GRIK1: variants seen among roughly 807,000 people sequenced by gnomAD.
The protein encoded by GRIK1 is glutamate ionotropic receptor kainate type subunit 1, also known as glutamate receptor ionotropic, kainate 1.
Under a neutral mutation model 105.7 loss-of-function variants are expected in GRIK1, and 69 were observed. The ratio of observed to expected loss-of-function variants is 0.65; its 90% CI spans 0.54 to 0.80. GRIK1 has a LOEUF of 0.80. Among genes scored for constraint, GRIK1 ranks in the 30% least tolerant of loss-of-function variants. GRIK1 has a pLI of 0.00. For missense variants in GRIK1, 1,109 were observed against 1,167.3 expected (o/e 0.95, Z 0.73); for synonymous variants, 438 against 431.3 (o/e 1.02, Z -0.19).
intron 16 of GRIK1, among the ~76,000 whole-genome samples, chr21:29,540,883 T>C (rs984473383): frequency 4.6e-5 from 7 of 152,108 alleles, no homozygotes; most frequent in Non-Finnish European, 8.8e-5. Context: ...CTTTGCATAC[T>C]GGAAAGTCCT....
At chr21:29,574,750 C>G (rs1297901630) in intron 14 of GRIK1, among the ~76,000 whole-genome samples, 7 of 142,864 alleles carry the variant, frequency 4.9e-5, no homozygotes, top group African/African-American at 1.6e-4. Flanking sequence ...TGCAGTGGCG[C>G]AATCTCGGCT....
intron 1 of GRIK1, among the ~76,000 whole-genome samples, chr21:29,721,098 CT>C (rs1478544376): frequency 5.3e-5 from 8 of 152,120 alleles, no homozygotes; most frequent in Non-Finnish European, 1.2e-4. Context: ...TCCCCCTCCC[CT>C]CTCCCCTATG....
intron 1 of GRIK1, among the ~76,000 whole-genome samples, chr21:29,849,878 ATGCCCTCTGG>A (rs1049059216): frequency 1.2e-4 from 18 of 152,252 alleles, no homozygotes; most frequent in East Asian, 3.9e-4. Flanking sequence ...TCTGATCTTC[ATGCCCTCTGG>A]TGCCCTCTGG....
intron 7 of GRIK1, among the ~76,000 whole-genome samples, chr21:29,637,613 G>A (rs183190761): frequency 4.9e-4 from 75 of 152,308 alleles, no homozygotes; most frequent in African/African-American, 1.7e-3. Flanking sequence ...CACCATGTGA[G>A]GACAAAGTGC....
At chr21:29,865,794 T>C (rs967572582) in intron 1 of GRIK1, among the ~76,000 whole-genome samples, 1 of 152,246 alleles carries the variant, frequency 6.6e-6, no homozygotes, top group Non-Finnish European at 1.5e-5. Flanking sequence ...GCGTATATTC[T>C]TTGACCAAGT....
intron 1 of GRIK1, among the ~76,000 whole-genome samples, chr21:29,907,728 C>T (rs2146283928): frequency 6.6e-6 from 1 of 152,200 alleles, no homozygotes; most frequent in East Asian, 1.9e-4. Context: ...TTTACCGGTA[C>T]TACTGCCTAC....
At chr21:29,845,034 C>A (rs1295928938) in intron 1 of GRIK1, among the ~76,000 whole-genome samples, 3 of 152,104 alleles carry the variant, frequency 2.0e-5, no homozygotes, top group Non-Finnish European at 2.9e-5. Flanking sequence ...TATATTATTC[C>A]TTCCTGCATG....
chr21:29,888,685 A>G (rs536783276), intron 1 of GRIK1, among the ~76,000 whole-genome samples: 1 of 152,330 alleles, frequency 6.6e-6, no homozygotes, highest in Admixed American at 6.5e-5. Context: ...ACTATGCAAT[A>G]ATTGACAACT....
At chr21:29,856,389 A>G (rs2068465478) in intron 1 of GRIK1, among the ~76,000 whole-genome samples, 1 of 152,160 alleles carries the variant, frequency 6.6e-6, no homozygotes, top group Admixed American at 6.5e-5. Context: ...ATACAGAGAA[A>G]TGGCATGTGA....
At position 29,581,341 on chromosome 21, in the gene GRIK1, C is replaced by G. The variant is rs917252053; in HGVS notation, c.1912+84G>C. 4 of 821,662 alleles carry G rather than the reference C, an allele frequency of 4.9e-6. No individual in the cohort carries two copies. In the East Asian group the frequency reaches 7.3e-5, roughly 15 times the overall value. The allele number at this position is 821,662 out of a possible 1,614,324, so 50.9% of individuals were successfully genotyped here. A position where few individuals can be genotyped will look rare whatever the true frequency, so the allele number is the denominator to read the frequency against. ...CTGAGATGGTGTTTCATCCTACCCT[C>G]TAGCTTCATGGTGGAGTTTACCAGC... is the stretch of plus-strand genomic sequence containing the variant. On this transcript the variant is annotated intron_variant, in intron 13 of 17. Transcript: ENST00000327783.
intron 1 of GRIK1, among the ~76,000 whole-genome samples, chr21:29,809,701 CT>C (rs1414776223): frequency 6.6e-6 from 1 of 152,198 alleles, no homozygotes; most frequent in Non-Finnish European, 1.5e-5. Context: ...TGCAAGAGGC[CT>C]AGCTTTCCGC....
At chr21:29,727,760 G>A (rs1304467991) in intron 1 of GRIK1, among the ~76,000 whole-genome samples, 1 of 152,202 alleles carries the variant, frequency 6.6e-6, no homozygotes, top group Admixed American at 6.5e-5. Flanking sequence ...GAATCAATGG[G>A]ATATAAATAG....
At position 29,623,050 on chromosome 21, in the gene GRIK1, G is replaced by A. The variant is rs140479347; in HGVS notation, c.1098+19776C>T. Among the ~76,000 whole-genome samples, 286 of 152,236 alleles carry A rather than the reference G, an allele frequency of 1.9e-3. 1 individual carries two copies. Among genetic ancestry groups the A allele is most frequent in the African/African-American group, 6.5e-3 (272 of 41,550 alleles). On this transcript the variant is annotated intron_variant, in intron 7 of 17. Transcript: ENST00000327783. ...ATCATCTCAGTTATTGTATCAGTCT[G>A]TTCTCATCCTGCTAATAAAAACATA...
intron 9 of GRIK1, 177 bp downstream of exon 9, chr21:29,596,349 G>A (rs1407482443): frequency 5.5e-6 from 4 of 726,680 alleles, no homozygotes; most frequent in Non-Finnish European, 1.0e-5. Flanking sequence ...CAATTCACAG[G>A]TGATGTTGTT....
chr21:29,777,991 G>C (rs1314595151), intron 1 of GRIK1, among the ~76,000 whole-genome samples: 3 of 152,152 alleles, frequency 2.0e-5, no homozygotes, highest in African/African-American at 7.2e-5. Flanking sequence ...TGTGGGAACT[G>C]CAGCAGACTA....
At chr21:29,683,497 C>T (rs374991536) in intron 3 of GRIK1, among the ~76,000 whole-genome samples, 2 of 152,288 alleles carry the variant, frequency 1.3e-5, no homozygotes, top group South Asian at 2.1e-4. Flanking sequence ...AGCTGGAGGC[C>T]GTTATCCTAA....
intron 1 of GRIK1, among the ~76,000 whole-genome samples, chr21:29,912,108 A>C (rs1363293321): frequency 6.6e-6 from 1 of 152,114 alleles, no homozygotes; most frequent in Middle Eastern, 3.2e-3. Context: ...AAATGATAGC[A>C]ATTGGTGAAC....
At chr21:29,584,884 T>C (rs1601184771) in intron 12 of GRIK1, among the ~76,000 whole-genome samples, 2 of 152,330 alleles carry the variant, frequency 1.3e-5, no homozygotes, top group Admixed American at 1.3e-4. Context: ...ACCAGAATTT[T>C]GTTTTTGGGA....
chr21:29,803,614 A>G (rs755241133), intron 1 of GRIK1, among the ~76,000 whole-genome samples: 7 of 152,114 alleles, frequency 4.6e-5, no homozygotes, highest in Non-Finnish European at 7.4e-5. Context: ...AAATGGCCCC[A>G]TGTGCACTCT....
Sources: allele counts gnomAD v4.1 joint callset (sites outside exome capture counted in the v4.1 genomes callset), GRCh38; gene constraint gnomAD v4.1.1; transcripts MANE v1.5; gene names NCBI Gene and HGNC (gene_info 2026-07-23, HGNC 2026-07-21).